Variants in INSR observed in about 807,000 individuals in gnomAD.
INSR encodes IR.
INSR carries 67 observed loss-of-function variants against 142.6 expected under a neutral mutation model. That is an observed-to-expected ratio of 0.47 (90% CI 0.39 to 0.58). INSR has a LOEUF of 0.58. INSR is among the 20% of genes least tolerant of loss of function. INSR has a pLI of 0.00. For missense variants in INSR, 1,248 were observed against 1,833.2 expected (o/e 0.68, Z 5.83); for synonymous variants, 756 against 743.1 (o/e 1.02, Z -0.28).
chr19:7,147,375 A>G (rs1973210108), intron 11 of INSR, among the ~76,000 whole-genome samples: 1 of 152,010 alleles, frequency 6.6e-6, no homozygotes, highest in African/African-American at 2.4e-5. Context: ...GGGTTTCACC[A>G]TATTGGCCAG....
intron 9 of INSR, among the ~76,000 whole-genome samples, chr19:7,157,747 C>A (rs1304085742): frequency 6.6e-6 from 1 of 151,730 alleles, no homozygotes; most frequent in Admixed American, 6.6e-5. Flanking sequence ...TGCCACTCTG[C>A]TTGGTGCCTG....
chr19:7,272,221 A>T (rs1284032750), intron 1 of INSR, among the ~76,000 whole-genome samples: 2 of 151,760 alleles, frequency 1.3e-5, no homozygotes, highest in African/African-American at 4.8e-5. Context: ...CAGAAGAGTC[A>T]CTTGAACCAG....
chr19:7,148,217 G>A (rs1399420939), intron 11 of INSR, among the ~76,000 whole-genome samples: 3 of 151,964 alleles, frequency 2.0e-5, no homozygotes, highest in Non-Finnish European at 2.9e-5. Flanking sequence ...CACAGCACCT[G>A]GCCTAGGCAG....
chr19:7,273,771 C>T (rs1041301611), intron 1 of INSR, among the ~76,000 whole-genome samples: 2 of 152,018 alleles, frequency 1.3e-5, no homozygotes, highest in Non-Finnish European at 2.9e-5. Flanking sequence ...CCCACCTCGG[C>T]CTCCCAAAGT....
intron 2 of INSR, among the ~76,000 whole-genome samples, chr19:7,257,877 C>T (rs1976944080): frequency 6.6e-6 from 1 of 152,166 alleles, no homozygotes; most frequent in African/African-American, 2.4e-5. Context: ...GGCTGGAGTG[C>T]AGTGGCGCAA....
Position 7,117,174 on chromosome 19 carries a change from T to A in INSR, c.4031A>T (p.Asp1344Val). The A allele has an allele frequency of 1.9e-6, 3 of 1,614,076 alleles. No homozygotes were observed. Among genetic ancestry groups the A allele is most frequent in the Non-Finnish European group, 2.5e-6 (3 of 1,179,986 alleles). ...CTTGAAACCCAGCGAGGACCCTCCA[T>A]CCCGGCCCCCCGCCTCCTCCCTCTG... is the stretch of plus-strand genomic sequence containing the variant. The part of the protein sequence containing the change: ...HCQREEAGGR[D>V]GGSSLGFKRS... Residue 1344 changes from aspartate (D) to valine (V), a missense_variant, in exon 22 of 22, where the codon GAT becomes GTT. Physicochemically the swap from Asp to Val is radical, Grantham distance 152 (BLOSUM62 -3). This residue lies in a region of INSR where 122 missense variants were observed against 129.8 expected (regional missense o/e 0.94). Transcript: ENST00000302850.
chr19:7,242,554 A>G (rs1453867574), intron 2 of INSR, among the ~76,000 whole-genome samples: 2 of 151,898 alleles, frequency 1.3e-5, no homozygotes, highest in Admixed American at 6.6e-5. Context: ...CCTGGCCAAC[A>G]TGGTGAAACC....
intron 2 of INSR, among the ~76,000 whole-genome samples, chr19:7,235,936 G>C (rs10425868): frequency 0.25 from 37,166 of 149,568 alleles, 5,124 homozygotes; most frequent in East Asian, 0.6. Context: ...AAATATAACA[G>C]ACTCCAACCA....
rs746726107 is a variant in INSR, at chr19:7,152,856, C to CA, written c.2100dup (p.Glu701Ter). On this transcript the variant is annotated frameshift_variant, in exon 10 of 22. Transcript: ENST00000302850. LOFTEE classifies it high-confidence loss of function. ...CATTCGCCGGCCGAATCCTCATACT[C>CA]ACTCTGGTTGTGCTTCTGAGAATCT... is the stretch of plus-strand genomic sequence containing the variant. The CA allele has an allele frequency of 6.2e-7, 1 of 1,613,406 alleles. No homozygotes were observed.
Position 7,126,577 on chromosome 19 carries a change from T to A in INSR, c.3013+7A>T. ...CTGGCCACCCACAGGGAAGGGATGG[T>A]ACTCACCATCACTGGCACTGAGATA... On this transcript the variant is annotated splice_region_variant and intron_variant, in intron 16 of 21. Transcript: ENST00000302850. The A allele has an allele frequency of 6.4e-7, 1 of 1,555,766 alleles. No homozygotes were observed. Among genetic ancestry groups the A allele is most frequent in the Middle Eastern group, 1.7e-4 (1 of 5,888 alleles).
intron 14 of INSR, 64 bp downstream of exon 14, chr19:7,132,094 A>G: frequency 6.2e-7 from 1 of 1,603,534 alleles, no homozygotes; most frequent in South Asian, 1.1e-5. Flanking sequence ...CATCCCCTGC[A>G]ATGTCCCACC....
chr19:7,280,218 T>A (rs935691296), intron 1 of INSR, among the ~76,000 whole-genome samples: 1 of 150,472 alleles, frequency 6.6e-6, no homozygotes, highest in Non-Finnish European at 1.5e-5. Context: ...GAGTCGAGAC[T>A]GCGCCACTGC....
chr19:7,233,750 A>AAGCTCCGCCCC (rs1976071143), intron 2 of INSR, among the ~76,000 whole-genome samples: 1 of 126,940 alleles, frequency 7.9e-6, no homozygotes, highest in Non-Finnish European at 1.5e-5. Flanking sequence ...ATCTCCGCTC[A>AAGCTCCGCCCC]CTGCAAGCTC....
At position 7,120,725 on chromosome 19, in the gene INSR, T is replaced by C. The variant is rs1236792553; in HGVS notation, c.3554A>G (p.Tyr1185Cys). The C allele has an allele frequency of 6.2e-7, 1 of 1,613,996 alleles. No individual in the cohort carries two copies. Among genetic ancestry groups the C allele is most frequent in the African/African-American group, 1.3e-5 (1 of 74,928 alleles). ...CCCTTTCCGGTAGTAATCCGTTTCA[T>C]AGATGTCTCTGGTCATTCCAAAGTC... Reference protein sequence around the residue: ...IGDFGMTRDIYETDYYRKGGK... With the variant: ...IGDFGMTRDICETDYYRKGGK... The change falls in exon 20 of 22, where the codon TAT becomes TGT. Residue 1185 changes from tyrosine (Y) to cysteine (C), a missense_variant. Physicochemically the swap from Tyr to Cys is radical, Grantham distance 194 (BLOSUM62 -2). Transcript: ENST00000302850.
intron 2 of INSR, among the ~76,000 whole-genome samples, chr19:7,257,405 T>A (rs1976927342): frequency 6.6e-6 from 1 of 150,992 alleles, no homozygotes; most frequent in African/African-American, 2.4e-5. Context: ...TCCAAACACG[T>A]CTAGAAGCAC....
intron 1 of INSR, among the ~76,000 whole-genome samples, chr19:7,268,241 G>A (rs1393143916): frequency 2.0e-5 from 3 of 152,078 alleles, no homozygotes; most frequent in African/African-American, 4.8e-5. Context: ...TCTCCAGTGC[G>A]TCAACATAGA....
intron 7 of INSR, 118 bp downstream of exon 7, chr19:7,167,850 C>G (rs1257460721): frequency 3.2e-6 from 4 of 1,235,078 alleles, no homozygotes; most frequent in African/African-American, 3.0e-5. Flanking sequence ...GATATTTATT[C>G]CAGGAGGAGG....
intron 9 of INSR, 32 bp downstream of exon 9, chr19:7,163,000 C>A: frequency 1.9e-6 from 3 of 1,611,548 alleles, no homozygotes; most frequent in Non-Finnish European, 2.5e-6. Context: ...TGTGCAAACC[C>A]CACCGATCCT....
chr19:7,274,883 G>A (rs1208232390), intron 1 of INSR, among the ~76,000 whole-genome samples: 1 of 151,648 alleles, frequency 6.6e-6, no homozygotes, highest in Non-Finnish European at 1.5e-5. Context: ...TGATGTAGAA[G>A]AGGCAAGCCC....
Sources: allele counts gnomAD v4.1 joint callset (sites outside exome capture counted in the v4.1 genomes callset), GRCh38; gene constraint gnomAD v4.1.1; regional missense constraint gnomAD v4.1.1; transcripts MANE v1.5; gene names NCBI Gene and HGNC (gene_info 2026-07-23, HGNC 2026-07-21).